Variants in ARHGAP39 observed in about 807,000 individuals in gnomAD.
ARHGAP39 encodes rho GTPase-activating protein 39.
A neutral mutation model predicts 106.9 loss-of-function variants in ARHGAP39; 44 were observed. The observed-to-expected ratio is 0.41, with a 90% CI of 0.32 to 0.53. The LOEUF is 0.53. Ranked by LOEUF, ARHGAP39 falls within the 20% of genes least tolerant of loss-of-function variation. The pLI is 0.21. For synonymous variants in ARHGAP39, 768 were observed against 693.2 expected, an observed-to-expected ratio of 1.11 and a Z score of -1.69; for missense variants, 1,496 against 1,577.3, an observed-to-expected ratio of 0.95 and a Z score of 0.87.
chr8:144,632,241 A>G (rs1821079576), intron 1 of ARHGAP39, among the ~76,000 whole-genome samples: 1 of 152,114 alleles, frequency 6.6e-6, no homozygotes, highest in South Asian at 2.1e-4. Flanking sequence ...CTATAAGTTC[A>G]CAGAACAGGC....
chr8:144,530,754 G>A lies in ARHGAP39; in HGVS notation c.3098C>T (p.Ala1033Val), dbSNP rs1258787378. 1.2e-6 allele frequency: 2 copies of A among 1,610,392 alleles called. No individual in the cohort carries two copies. The highest frequency in any genetic ancestry group is 1.7e-6 in the Non-Finnish European group (2 of 1,179,044). Residue 1033 changes from alanine to valine, a missense_variant, in exon 11 of 12, where the codon GCG (alanine) becomes GTG (valine). Coordinates refer to ENST00000377307, the MANE Select transcript of ARHGAP39 (RefSeq NM_025251.3). ...SPEAAVAVVHALPRINRMVLC... is the reference protein window; with the variant it reads ...SPEAAVAVVHVLPRINRMVLC... ...CACCATGCGGTTGATGCGGGGCAGC[G>A]CGTGCACCACGGCCACCGCCGCCTC...
At chr8:144,691,898 G>A in the ARHGAP39 span, among the ~76,000 whole-genome samples, 18 of 151,994 alleles carry the variant, frequency 1.2e-4, no homozygotes, top group East Asian at 1.9e-4. Context: ...CATTGACTAC[G>A]CAAGCAGGGG....
At position 144,530,619 on chromosome 8, in the gene ARHGAP39, G is replaced by A; in HGVS notation, c.3151-3C>T. 6 of 1,598,464 alleles carry A rather than the reference G, an allele frequency of 3.8e-6. No individual in the cohort carries two copies. The highest frequency in any genetic ancestry group is 5.1e-6 in the Non-Finnish European group (6 of 1,170,830). On this transcript the variant is annotated splice_region_variant and splice_polypyrimidine_tract_variant and intron_variant, in intron 11 of 11. Coordinates refer to ENST00000377307, the MANE Select transcript of ARHGAP39 (RefSeq NM_025251.3). ...ACGTTGGCCGGCTGCACGAAGACCT[G>A]GTGGAGGAGCGAGGGTGGGCGCGGA... is the stretch of plus-strand genomic sequence containing the variant.
rs545893222 is a variant in ARHGAP39 at position 144,606,476 on chromosome 8, T to C, written c.-81-781A>G. Among the ~76,000 whole-genome samples the C allele has an allele frequency of 6.6e-5, 10 of 152,364 alleles. No individual in the cohort carries two copies. In the South Asian group the frequency reaches 8.3e-4, roughly 13 times the overall value. The stretch of plus-strand genomic sequence containing the variant: ...CTTCCTTATTATTTTCTTACTACCA[T>C]TTTCTATTCTGACTTTATAGGAAGA... On this transcript the variant is annotated intron_variant, in intron 1 of 11. Coordinates refer to ENST00000377307, the MANE Select transcript of ARHGAP39 (RefSeq NM_025251.3).
At chr8:144,687,850 A>G (rs2956181), upstream of ARHGAP39, among the ~76,000 whole-genome samples, 2,655 of 32,084 alleles carry the variant, frequency 0.083, 3 homozygotes, top group Admixed American at 0.14. Context: ...ACACACTAGC[A>G]GTGAGCACTT....
intron 3 of ARHGAP39, among the ~76,000 whole-genome samples, 168 bp downstream of exon 3, chr8:144,580,678 T>C (rs1586575282): frequency 3.5e-5 from 3 of 85,938 alleles, no homozygotes; most frequent in Admixed American, 2.5e-4. Context: ...CCCATTCCAC[T>C]CACCTGGCCC....
At chr8:144,555,537 C>G (rs1335420025) in intron 4 of ARHGAP39, 23 bp downstream of exon 4, 9 of 1,609,462 alleles carry the variant, frequency 5.6e-6, no homozygotes, top group Non-Finnish European at 7.7e-6. Flanking sequence ...CACAAACGGC[C>G]ACGCCTGAGA....
At chr8:144,607,348 C>T (rs1251782811) in intron 1 of ARHGAP39, among the ~76,000 whole-genome samples, 1 of 151,956 alleles carries the variant, frequency 6.6e-6, no homozygotes, top group South Asian at 2.1e-4. Context: ...GAAATCAGAA[C>T]CCATGGCCTC....
intron 1 of ARHGAP39, among the ~76,000 whole-genome samples, chr8:144,640,401 C>A (rs555969124): frequency 8.6e-4 from 131 of 152,246 alleles, no homozygotes; most frequent in African/African-American, 2.8e-3. Flanking sequence ...ATGAGTCTCA[C>A]GAGATCTGAT....
chr8:144,696,543 T>A, the ARHGAP39 span, among the ~76,000 whole-genome samples: 3 of 152,238 alleles, frequency 2.0e-5, no homozygotes, highest in East Asian at 5.8e-4. Context: ...TTTTATAGCT[T>A]CTGAGTTGCC....
chr8:144,547,521 A>C lies in ARHGAP39; in HGVS notation c.1565T>G (p.Leu522Arg). 2 of 1,487,342 alleles carry C rather than the reference A, an allele frequency of 1.3e-6. No individual in the cohort carries two copies. The highest frequency in any genetic ancestry group is 1.8e-6 in the Non-Finnish European group (2 of 1,122,230). The allele number at this position is 1,487,342 out of a possible 1,614,324, so 92.1% of individuals were successfully genotyped here. ...GPGDLLVEQP[L>R]AEEQPPCGTS... is the part of the protein sequence containing the mutation. ...CCCGCACGGGGGCTGTTCCTCGGCC[A>C]GGGGCTGCTCCACAAGCAGGTCCCC... The change falls in exon 5 of 12, where the codon CTG becomes CGG. Residue 522 changes from leucine (L) to arginine (R), a missense_variant. Leu to Arg is a moderately radical substitution (Grantham distance 102, BLOSUM62 -2). Transcript: ENST00000377307. This position sits in a 1 kb window ranked among gnomAD's most constrained non-coding sequence, Gnocchi z 5.2.
In ARHGAP39 at chr8:144,530,753, C is replaced by G; in HGVS notation, c.3099G>C (p.Ala1033=). Residue 1033 remains alanine (A), a synonymous_variant, in exon 11 of 12, where the codon GCG becomes GCC. Coordinates refer to ENST00000377307, the MANE Select transcript of ARHGAP39 (RefSeq NM_025251.3). The part of the protein sequence containing the change: ...SPEAAVAVVH[A]LPRINRMVLC... Reference sequence around the variant, plus strand: ...GCACCATGCGGTTGATGCGGGGCAGCGCGTGCACCACGGCCACCGCCGCCT... The same window carrying G: ...GCACCATGCGGTTGATGCGGGGCAGGGCGTGCACCACGGCCACCGCCGCCT... The G allele has an allele frequency of 6.2e-7, 1 of 1,610,290 alleles. No individual in the cohort carries two copies. Among genetic ancestry groups the G allele is most frequent in the Non-Finnish European group, 8.5e-7 (1 of 1,178,960 alleles).
intron 3 of ARHGAP39, among the ~76,000 whole-genome samples, chr8:144,568,022 T>C (rs1818464119): frequency 6.6e-6 from 1 of 152,040 alleles, no homozygotes; most frequent in Non-Finnish European, 1.5e-5. Flanking sequence ...TCTCCGCACA[T>C]GGGGAGAAAA....
At chr8:144,597,681 A>T (rs1819673807) in intron 2 of ARHGAP39, among the ~76,000 whole-genome samples, 1 of 152,232 alleles carries the variant, frequency 6.6e-6, no homozygotes, top group South Asian at 2.1e-4. Flanking sequence ...TGGGAAAGGC[A>T]AAACTTTAAG....
At chr8:144,651,678 G>C (rs556829016) in intron 1 of ARHGAP39, among the ~76,000 whole-genome samples, 4 of 152,074 alleles carry the variant, frequency 2.6e-5, no homozygotes, top group African/African-American at 9.7e-5. Flanking sequence ...CTGCACTCCA[G>C]CCTGGATGAT....
chr8:144,558,187 A>T (rs1239924763), intron 3 of ARHGAP39, among the ~76,000 whole-genome samples: 1 of 152,254 alleles, frequency 6.6e-6, no homozygotes, highest in Non-Finnish European at 1.5e-5. Flanking sequence ...ATAAAAGAAG[A>T]CTTGAATACA....
intron 1 of ARHGAP39, among the ~76,000 whole-genome samples, chr8:144,643,608 C>CT (rs1821366567): frequency 6.6e-6 from 1 of 152,190 alleles, no homozygotes; most frequent in South Asian, 2.1e-4. Context: ...GACCTCAACT[C>CT]TGATACTCTG....
rs116614885 is a variant in ARHGAP39, at chr8:144,653,975, G to A, written c.-82+31711C>T. Among the ~76,000 whole-genome samples the A allele has an allele frequency of 2.6e-3, 401 of 152,320 alleles. 3 individuals carry two copies. Among genetic ancestry groups the A allele is most frequent in the African/African-American group, 9.0e-3 (376 of 41,586 alleles). The stretch of plus-strand genomic sequence containing the variant: ...CTTTCCAGACCACGCGGACAGAGCC[G>A]CGCCGTCTGCACGTGAGCACGGCTG... On this transcript the variant is annotated intron_variant, in intron 1 of 11. Coordinates refer to ENST00000377307, the MANE Select transcript of ARHGAP39 (RefSeq NM_025251.3).
intron 4 of ARHGAP39, among the ~76,000 whole-genome samples, chr8:144,552,865 C>A (rs1448950271): frequency 6.6e-6 from 1 of 152,154 alleles, no homozygotes; most frequent in African/African-American, 2.4e-5. Context: ...TATTTCTTGC[C>A]ATCTCACATG....
Sources: allele counts gnomAD v4.1 joint callset (sites outside exome capture counted in the v4.1 genomes callset), GRCh38; gene constraint gnomAD v4.1.1; non-coding constraint Gnocchi (gnomAD v3.1); transcripts MANE v1.5; gene names NCBI Gene and HGNC (gene_info 2026-07-23, HGNC 2026-07-21).